TEX2: variants seen among roughly 807,000 people sequenced by gnomAD.
The protein encoded by TEX2 is testis expressed 2, also known as testis-expressed protein 2.
A neutral mutation model predicts 106.9 loss-of-function variants in TEX2; 53 were observed. The ratio of observed to expected loss-of-function variants is 0.50; its 90% CI spans 0.40 to 0.62. The LOEUF (loss-of-function observed/expected upper bound fraction) is 0.62, where lower values mean the gene tolerates loss of function less well. Ranked by LOEUF, TEX2 falls within the 20% of genes least tolerant of loss-of-function variation. TEX2 has a pLI of 0.00. For synonymous variants in TEX2, 523 were observed against 534.8 expected (o/e 0.98, Z 0.30); for missense variants, 1,207 against 1,379.0 (o/e 0.88, Z 1.98).
At chr17:64,191,710 C>T (rs905823461) in intron 4 of TEX2, among the ~76,000 whole-genome samples, 1 of 150,466 alleles carries the variant, frequency 6.6e-6, no homozygotes, top group African/African-American at 2.5e-5. Context: ...CCCAGCTACT[C>T]AGGAGGCTGA....
chr17:64,214,237 C>G lies in TEX2; in HGVS notation c.-20G>C. 1 of 1,598,282 alleles carries G rather than the reference C, an allele frequency of 6.3e-7. No individual in the cohort carries two copies. Among genetic ancestry groups the G allele is most frequent in the Non-Finnish European group, 8.5e-7 (1 of 1,169,690 alleles). On this transcript the variant is annotated 5_prime_UTR_variant, in exon 2 of 12. The change abolishes the stop of an existing upstream ORF in the 5' untranslated region. Transcript: ENST00000584379. ...TGTCATTGCCGGCTTCACAAGGGCT[C>G]AGGCTCTGTGAAAACAGTGAGAAAA... is the stretch of plus-strand genomic sequence containing the variant.
At chr17:64,234,848 T>C (rs1262872247) in intron 1 of TEX2, among the ~76,000 whole-genome samples, 2 of 152,228 alleles carry the variant, frequency 1.3e-5, no homozygotes, top group Admixed American at 1.3e-4. Flanking sequence ...TCTATTTAAA[T>C]ACAAAGATAC....
intron 4 of TEX2, among the ~76,000 whole-genome samples, chr17:64,190,212 G>A (rs1054325444): frequency 1.1e-4 from 17 of 151,810 alleles, no homozygotes; most frequent in African/African-American, 2.9e-4. Flanking sequence ...TCCTTATACC[G>A]TTTTCATGTT....
intron 7 of TEX2, among the ~76,000 whole-genome samples, chr17:64,162,687 G>C (rs889621931): frequency 6.6e-6 from 1 of 152,218 alleles, no homozygotes; most frequent in East Asian, 1.9e-4. Context: ...CCTGCCAGGA[G>C]CTGGGAGGTG....
chr17:64,174,326 C>A (rs960534016), intron 6 of TEX2, among the ~76,000 whole-genome samples: 1 of 151,706 alleles, frequency 6.6e-6, no homozygotes, highest in Non-Finnish European at 1.5e-5. Flanking sequence ...AAAGGAGGGA[C>A]CTGAAGGACC....
intron 1 of TEX2, among the ~76,000 whole-genome samples, chr17:64,250,290 G>A (rs1305357651): frequency 1.3e-5 from 2 of 152,206 alleles, no homozygotes; most frequent in African/African-American, 4.8e-5. Flanking sequence ...TTTATCAAAG[G>A]AAACAATAAT....
chr17:64,206,592 T>C (rs2032841814), intron 2 of TEX2, among the ~76,000 whole-genome samples: 1 of 149,038 alleles, frequency 6.7e-6, no homozygotes, highest in Non-Finnish European at 1.5e-5. Flanking sequence ...CGGAGTTTCG[T>C]TCTTGTTGCC....
At position 64,205,207 on chromosome 17, in the gene TEX2, C is replaced by T. The variant is rs1170981748; in HGVS notation, c.1644+7367G>A. On this transcript the variant is annotated intron_variant, in intron 2 of 11. Transcript: ENST00000584379. This position sits in a 1 kb window ranked among gnomAD's most constrained non-coding sequence, Gnocchi z 4.0. The stretch of plus-strand genomic sequence containing the variant: ...TGATGCGCACATGTAATCCCAGCAA[C>T]TCTGGAGGCTGAGGCAGGAGAATTG... 1.3e-5 allele frequency among the ~76,000 whole-genome samples: 2 copies of T among 152,150 alleles called. No individual in the cohort carries two copies. The highest frequency in any genetic ancestry group is 3.9e-4 in the East Asian group (2 of 5,192).
intron 1 of TEX2, among the ~76,000 whole-genome samples, chr17:64,257,537 A>G (rs1442755655): frequency 7.2e-5 from 11 of 152,228 alleles, no homozygotes; most frequent in Admixed American, 2.0e-4. Flanking sequence ...GGGTAGTGTC[A>G]TGAAATTTCT....
In TEX2 at chr17:64,194,914, T is replaced by C. The variant is rs1283332604; in HGVS notation, c.1826A>G (p.Tyr609Cys). 1.2e-6 allele frequency: 2 copies of C among 1,614,066 alleles called. No individual in the cohort carries two copies. Among genetic ancestry groups the C allele is most frequent in the Non-Finnish European group, 8.5e-7 (1 of 1,180,004 alleles). ...PEVTYISQKI[Y>C]DLSDSKIYLV... Reference sequence around the variant, plus strand: ...GCTCACCTTGCTGTCTGAGAGGTCATAGATTTTCTGGCTGATGTAGGTGAC... The same window carrying C: ...GCTCACCTTGCTGTCTGAGAGGTCACAGATTTTCTGGCTGATGTAGGTGAC... The change falls in exon 3 of 12, where the codon TAT (tyrosine) becomes TGT (cysteine). Residue 609 changes from tyrosine (Y) to cysteine (C), a missense_variant. Coordinates refer to ENST00000584379, the MANE Select transcript of TEX2 (RefSeq NM_001288732.2).
intron 1 of TEX2, among the ~76,000 whole-genome samples, chr17:64,219,571 A>C (rs2033299229): frequency 6.6e-6 from 1 of 151,300 alleles, no homozygotes; most frequent in African/African-American, 2.4e-5. Flanking sequence ...GGAGAATTAC[A>C]GGCAAGCAGA....
At chr17:64,243,220 C>G (rs1555635939) in intron 1 of TEX2, among the ~76,000 whole-genome samples, 1 of 152,066 alleles carries the variant, frequency 6.6e-6, no homozygotes, top group Non-Finnish European at 1.5e-5. Context: ...AGCCACCACA[C>G]CCGGCCAAAA....
In TEX2 at chr17:64,188,412, A is replaced by G; in HGVS notation, c.2180T>C (p.Leu727Pro). The G allele has an allele frequency of 1.2e-6, 2 of 1,614,194 alleles. No homozygotes were observed. Among genetic ancestry groups the G allele is most frequent in the Non-Finnish European group, 1.7e-6 (2 of 1,180,016 alleles). ...GTTGTGTCTGCTGTGTGCAGGCAAA[A>G]GCCCTGGAGCCAAGAAGACGGGGGC... ...SSGVSGGKPGLLPAHSRHNSP... is the reference protein window; with the variant it reads ...SSGVSGGKPGPLPAHSRHNSP... The change falls in exon 5 of 12, where the codon CTT becomes CCT. Residue 727 changes from leucine to proline, a missense_variant. Around this residue, in one of 3 missense-constraint regions of TEX2, gnomAD observed 1,067 missense variants for 1,193.6 expected, o/e 0.89. Coordinates refer to ENST00000584379, the MANE Select transcript of TEX2 (RefSeq NM_001288732.2).
chr17:64,244,450 T>A (rs1439917311), intron 1 of TEX2, among the ~76,000 whole-genome samples: 1 of 152,152 alleles, frequency 6.6e-6, no homozygotes, highest in African/African-American at 2.4e-5. Flanking sequence ...GGCTTTGACA[T>A]TTCATAAGTT....
intron 1 of TEX2, among the ~76,000 whole-genome samples, chr17:64,245,326 T>C (rs766012341): frequency 2.6e-5 from 4 of 152,220 alleles, no homozygotes; most frequent in African/African-American, 7.2e-5. Flanking sequence ...ATTATCCTAA[T>C]TGAAATCTAT....
At chr17:64,194,479 A>G (rs2032400496) in intron 3 of TEX2, among the ~76,000 whole-genome samples, 1 of 152,224 alleles carries the variant, frequency 6.6e-6, no homozygotes, top group Admixed American at 6.5e-5. Context: ...GTTATTTTGC[A>G]TATCTATCAT....
intron 1 of TEX2, among the ~76,000 whole-genome samples, chr17:64,244,098 C>T (rs982722841): frequency 2.6e-5 from 4 of 152,162 alleles, no homozygotes; most frequent in African/African-American, 4.8e-5. Context: ...TGAACCACCG[C>T]GCCCAGCCAA....
intron 1 of TEX2, among the ~76,000 whole-genome samples, chr17:64,254,309 A>C (rs2034145883): frequency 6.6e-6 from 1 of 152,194 alleles, no homozygotes; most frequent in African/African-American, 2.4e-5. Context: ...TTTCTCTAAA[A>C]TGTACTGAGT....
intron 5 of TEX2, among the ~76,000 whole-genome samples, chr17:64,179,202 C>G (rs2031736756): frequency 6.6e-6 from 1 of 152,100 alleles, no homozygotes; most frequent in Admixed American, 6.6e-5. Context: ...CACTCTGTAG[C>G]TAGCAAAAGG....
Sources: allele counts gnomAD v4.1 joint callset (sites outside exome capture counted in the v4.1 genomes callset), GRCh38; gene constraint gnomAD v4.1.1; regional missense constraint gnomAD v4.1.1; non-coding constraint Gnocchi (gnomAD v3.1); transcripts MANE v1.5; gene names NCBI Gene and HGNC (gene_info 2026-07-23, HGNC 2026-07-21).